The following LPGAT1 variants were observed in gnomAD, a reference collection of about 807,000 sequenced individuals.
LPGAT1 encodes the protein acyl-CoA:lysophosphatidylglycerol acyltransferase 1.
In LPGAT1, 11 loss-of-function variants were observed where a neutral mutation model predicts 47.5. The ratio of observed to expected loss-of-function variants is 0.23; its 90% CI spans 0.15 to 0.38. The LOEUF is 0.38. Ranked by LOEUF, LPGAT1 falls within the 10% of genes least tolerant of loss-of-function variation. The pLI, the probability that LPGAT1 is intolerant of heterozygous loss-of-function variation, is 1.00. For synonymous variants in LPGAT1, 138 were observed against 144.2 expected (o/e 0.96, Z 0.31); for missense variants, 293 against 439.0 (o/e 0.67, Z 2.97).
chr1:211,809,897 T>G (rs565560878), intron 2 of LPGAT1, among the ~76,000 whole-genome samples: 4 of 152,302 alleles, frequency 2.6e-5, no homozygotes, highest in African/African-American at 9.6e-5. Flanking sequence ...AAGGAAATTC[T>G]AACATCTCCT....
At chr1:211,754,476 A>G (rs1657351147) in intron 6 of LPGAT1, among the ~76,000 whole-genome samples, 1 of 152,142 alleles carries the variant, frequency 6.6e-6, no homozygotes, top group African/African-American at 2.4e-5. Flanking sequence ...TTACACCTTT[A>G]AAAACCCATT....
At chr1:211,791,584 C>G (rs917636032) in intron 3 of LPGAT1, among the ~76,000 whole-genome samples, 1 of 151,992 alleles carries the variant, frequency 6.6e-6, no homozygotes, top group African/African-American at 2.4e-5. Flanking sequence ...CCCGTCTCTA[C>G]TAAAAATACA....
rs1200997613 is a variant in LPGAT1 at position 211,830,091 on chromosome 1, G to A, written c.-28+482C>T. ...ATGATGAAAGGGGCAGAGAAGAGGC[G>A]ACCGCAGCGCGGGGAGCCGGTGGAG... On this transcript the variant is annotated intron_variant, in intron 1 of 7. Coordinates refer to ENST00000366997, the MANE Select transcript of LPGAT1 (RefSeq NM_014873.3). The surrounding 1 kb of genome is among the most constrained non-coding windows in gnomAD (Gnocchi z 5.9). The A allele has an allele frequency of 5.1e-6, 5 of 984,762 alleles. No individual in the cohort carries two copies. The highest frequency in any genetic ancestry group is 3.6e-6 in the Non-Finnish European group (3 of 829,752). The allele number at this position is 984,762 out of a possible 1,614,324, so 61.0% of individuals were successfully genotyped here.
At chr1:211,812,380 T>C (rs749989856) in intron 2 of LPGAT1, among the ~76,000 whole-genome samples, 2 of 152,146 alleles carry the variant, frequency 1.3e-5, no homozygotes, top group African/African-American at 4.8e-5. Flanking sequence ...TGTAAGCATA[T>C]GACACAGAGA....
intron 2 of LPGAT1, among the ~76,000 whole-genome samples, chr1:211,794,262 G>A (rs529041651): frequency 9.9e-5 from 15 of 152,216 alleles, no homozygotes; most frequent in African/African-American, 3.6e-4. Flanking sequence ...GGGAAACAGT[G>A]GTATTTCTAT....
chr1:211,787,449 A>T (rs567579716), intron 4 of LPGAT1, among the ~76,000 whole-genome samples, 183 bp downstream of exon 4: 25 of 149,508 alleles, frequency 1.7e-4, no homozygotes, highest in African/African-American at 5.9e-4. Flanking sequence ...GATGGTGCCA[A>T]TGCACGCTAG....
At chr1:211,773,281 T>G (rs1658253165) in intron 6 of LPGAT1, among the ~76,000 whole-genome samples, 1 of 152,194 alleles carries the variant, frequency 6.6e-6, no homozygotes, top group South Asian at 2.1e-4. Context: ...ATCATTTCTT[T>G]TATCAATTAC....
chr1:211,764,940 G>C (rs998950829), intron 6 of LPGAT1, among the ~76,000 whole-genome samples: 8 of 152,176 alleles, frequency 5.3e-5, no homozygotes, highest in Non-Finnish European at 1.0e-4. Flanking sequence ...CCTTGCAACA[G>C]TCAAGAGCCC....
At chr1:211,819,585 T>A (rs1326771338) in intron 2 of LPGAT1, among the ~76,000 whole-genome samples, 7 of 152,080 alleles carry the variant, frequency 4.6e-5, no homozygotes, top group Non-Finnish European at 1.0e-4. Context: ...AGGCATACAA[T>A]CTATGCTGGG....
intron 2 of LPGAT1, among the ~76,000 whole-genome samples, chr1:211,805,718 C>T (rs1390336240): frequency 6.6e-6 from 1 of 151,816 alleles, no homozygotes; most frequent in African/African-American, 2.4e-5. Context: ...CCTGACATTT[C>T]AAAAAAGAAA....
intron 6 of LPGAT1, among the ~76,000 whole-genome samples, chr1:211,751,756 A>AT (rs538393544): frequency 1.1e-4 from 16 of 152,048 alleles, no homozygotes; most frequent in African/African-American, 3.4e-4. Context: ...TTAGTGGGGG[A>AT]TTTTTTGTCC....
chr1:211,802,373 T>C (rs1659609062), intron 2 of LPGAT1, among the ~76,000 whole-genome samples: 1 of 151,598 alleles, frequency 6.6e-6, no homozygotes, highest in Admixed American at 6.6e-5. Flanking sequence ...AGGCTGTTAA[T>C]GTGAAAGAGA....
At chr1:211,767,815 G>A (rs943335414) in intron 6 of LPGAT1, among the ~76,000 whole-genome samples, 1 of 152,088 alleles carries the variant, frequency 6.6e-6, no homozygotes, top group Admixed American at 6.6e-5. Context: ...TCCTTCTACT[G>A]GGGAAAAAAT....
chr1:211,769,615 C>G (rs1262213646), intron 6 of LPGAT1, among the ~76,000 whole-genome samples: 3 of 152,108 alleles, frequency 2.0e-5, no homozygotes, highest in Non-Finnish European at 4.4e-5. Flanking sequence ...GCTGGCTGCC[C>G]ATTTTTATGG....
chr1:211,769,458 G>A (rs943246534), intron 6 of LPGAT1, among the ~76,000 whole-genome samples: 2 of 152,106 alleles, frequency 1.3e-5, no homozygotes, highest in African/African-American at 4.8e-5. Flanking sequence ...TATGGGAAAG[G>A]GGTCCTGATC....
rs1660682918 is a variant in LPGAT1, at chr1:211,830,174, C to G, written c.-28+399G>C. 6.1e-6 allele frequency: 6 copies of G among 982,498 alleles called. No individual in the cohort carries two copies. In the South Asian group the frequency reaches 2.3e-4, roughly 38 times the overall value. 60.9% of individuals were successfully genotyped at this position (982,498 alleles called of 1,614,324 possible). On this transcript the variant is annotated intron_variant, in intron 1 of 7. Coordinates refer to ENST00000366997, the MANE Select transcript of LPGAT1 (RefSeq NM_014873.3). This position sits in a 1 kb window ranked among gnomAD's most constrained non-coding sequence, Gnocchi z 5.9. Reference sequence around the variant, plus strand: ...GTGGCGGCGGGCGCGGCCCGCGCGCCGGGCTCACCTCGGCGGGCGCGGACG... The same window carrying G: ...GTGGCGGCGGGCGCGGCCCGCGCGCGGGGCTCACCTCGGCGGGCGCGGACG...
chr1:211,750,100 T>C (rs773719547), intron 7 of LPGAT1, 50 bp from the exon 8 acceptor site: 1 of 1,528,972 alleles, frequency 6.5e-7, no homozygotes, highest in Non-Finnish European at 9.0e-7. Context: ...ATGGTAGGTC[T>C]CCTGGAATAA....
intron 6 of LPGAT1, among the ~76,000 whole-genome samples, chr1:211,751,354 C>T (rs1002598918): frequency 3.3e-5 from 5 of 152,166 alleles, no homozygotes; most frequent in African/African-American, 1.2e-4. Flanking sequence ...TGAATAACTA[C>T]AGAGAATAAT....
chr1:211,756,858 T>G (rs999455510), intron 6 of LPGAT1, among the ~76,000 whole-genome samples: 21 of 143,732 alleles, frequency 1.5e-4, no homozygotes, highest in African/African-American at 5.4e-4. Context: ...GTTTGCTTTG[T>G]TTTTTTTTTT....
Sources: allele counts gnomAD v4.1 joint callset (sites outside exome capture counted in the v4.1 genomes callset), GRCh38; gene constraint gnomAD v4.1.1; non-coding constraint Gnocchi (gnomAD v3.1); transcripts MANE v1.5; gene names NCBI Gene and HGNC (gene_info 2026-07-23, HGNC 2026-07-21).